Variants in BBX observed in about 807,000 individuals in gnomAD.
BBX encodes HMG box transcription factor BBX.
BBX carries 30 observed loss-of-function variants against 100.2 expected under a neutral mutation model. The ratio of observed to expected loss-of-function variants is 0.30; its 90% CI spans 0.22 to 0.41. The LOEUF is 0.41. Among genes scored for constraint, BBX ranks in the 10% least tolerant of loss-of-function variants. The probability of loss-of-function intolerance (pLI) is 1.00; values close to 1 mark genes in which losing one functional copy is unlikely to be tolerated. For missense variants in BBX, 1,023 were observed against 1,129.8 expected (o/e 0.91, Z 1.35); for synonymous variants, 376 against 388.1 (o/e 0.97, Z 0.37).
At chr3:107,536,903 A>G (rs1049674357) in intron 2 of BBX, among the ~76,000 whole-genome samples, 64 of 152,324 alleles carry the variant, frequency 4.2e-4, no homozygotes, top group African/African-American at 1.4e-3. Flanking sequence ...TTTAATAGAT[A>G]TGGTATGAAA....
At chr3:107,701,332 G>C (rs558371893) in intron 3 of BBX, among the ~76,000 whole-genome samples, 1 of 152,286 alleles carries the variant, frequency 6.6e-6, no homozygotes, top group East Asian at 1.9e-4. Context: ...TGTGCTGGCA[G>C]AGTGGCCTTG....
chr3:107,805,283 A>C, intron 17 of BBX, 87 bp from the exon 18 acceptor site: 2 of 1,373,090 alleles, frequency 1.5e-6, no homozygotes, highest in Non-Finnish European at 2.0e-6. Context: ...TAAACAAGAT[A>C]TTGGAACACA....
At position 107,773,541 on chromosome 3, in the gene BBX, G is replaced by A; in HGVS notation, c.1820G>A (p.Gly607Asp). The A allele has an allele frequency of 6.2e-7, 1 of 1,614,072 alleles. No individual in the cohort carries two copies. The highest frequency in any genetic ancestry group is 8.5e-7 in the Non-Finnish European group (1 of 1,179,962). The change falls in exon 11 of 18, where the codon GGT becomes GAT. Residue 607 changes from glycine to aspartate, a missense_variant. Around this residue, in one of 9 missense-constraint regions of BBX, gnomAD observed 348 missense variants for 353.2 expected, o/e 0.99. Coordinates refer to ENST00000325805, the MANE Select transcript of BBX (RefSeq NM_001142568.3). This position sits in a 1 kb window ranked among gnomAD's most constrained non-coding sequence, Gnocchi z 4.1. ...SDCHRKIETC[G>D]SRKSERSCKG... ...TGTCACAGAAAAATAGAAACTTGTGGTTCCAGGAAATCCGAGAGGTCTTGC... is the reference window on the plus strand; with the variant it reads ...TGTCACAGAAAAATAGAAACTTGTGATTCCAGGAAATCCGAGAGGTCTTGC...
intron 2 of BBX, among the ~76,000 whole-genome samples, chr3:107,536,040 G>A (rs533356691): frequency 1.8e-4 from 28 of 152,224 alleles, no homozygotes; most frequent in Non-Finnish European, 3.5e-4. Context: ...AAATTAATAA[G>A]CGGATTCATG....
intron 12 of BBX, 50 bp downstream of exon 12, chr3:107,774,907 G>A (rs747690415): frequency 6.3e-7 from 1 of 1,583,390 alleles, no homozygotes; most frequent in Non-Finnish European, 8.6e-7. Flanking sequence ...CTCAAGTGTG[G>A]GTGGGATTTT....
At chr3:107,691,791 G>C (rs1024257108) in intron 3 of BBX, among the ~76,000 whole-genome samples, 11 of 152,212 alleles carry the variant, frequency 7.2e-5, no homozygotes, top group Non-Finnish European at 1.5e-4. Flanking sequence ...TATGTAATTT[G>C]TAATTTAGTA....
chr3:107,754,294 G>C (rs1247255030), intron 9 of BBX, among the ~76,000 whole-genome samples: 2 of 152,140 alleles, frequency 1.3e-5, no homozygotes, highest in Non-Finnish European at 2.9e-5. Context: ...GTGAGTAATT[G>C]AATTCAGCAT....
At chr3:107,555,149 T>A (rs1394783201) in intron 2 of BBX, among the ~76,000 whole-genome samples, 1 of 152,240 alleles carries the variant, frequency 6.6e-6, no homozygotes, top group Non-Finnish European at 1.5e-5. Context: ...TATTTGTTTC[T>A]GCTAAACCAA....
chr3:107,594,678 T>C (rs1323775863), intron 2 of BBX, among the ~76,000 whole-genome samples: 2 of 152,184 alleles, frequency 1.3e-5, no homozygotes, highest in African/African-American at 4.8e-5. Flanking sequence ...ATGAAAATAA[T>C]AGTATTTACC....
intron 3 of BBX, among the ~76,000 whole-genome samples, chr3:107,649,134 C>T (rs566920239): frequency 6.6e-6 from 1 of 152,358 alleles, no homozygotes; most frequent in African/African-American, 2.4e-5. Context: ...ATAAAACCAT[C>T]TGATCTCTTG....
At chr3:107,569,665 A>G (rs1265840379) in intron 2 of BBX, among the ~76,000 whole-genome samples, 1 of 152,212 alleles carries the variant, frequency 6.6e-6, no homozygotes, top group Non-Finnish European at 1.5e-5. Flanking sequence ...GTATAAAAGA[A>G]TGTTGTCCAA....
chr3:107,580,632 AT>A (rs928271860), intron 2 of BBX, among the ~76,000 whole-genome samples: 20 of 148,958 alleles, frequency 1.3e-4, no homozygotes, highest in Middle Eastern at 3.5e-3. Context: ...TAAGCACTCA[AT>A]TTTTTTTTTT....
chr3:107,786,978 T>G (rs2068495438), intron 13 of BBX, among the ~76,000 whole-genome samples: 3 of 152,218 alleles, frequency 2.0e-5, no homozygotes, highest in Non-Finnish European at 4.4e-5. Flanking sequence ...GCAAGTGATC[T>G]GAATAGATAC....
At chr3:107,779,120 C>G (rs776777393) in intron 13 of BBX, among the ~76,000 whole-genome samples, 17 of 150,176 alleles carry the variant, frequency 1.1e-4, no homozygotes, top group Non-Finnish European at 1.6e-4. Flanking sequence ...CTGCCTATAT[C>G]AGGGAAGCTT....
intron 2 of BBX, among the ~76,000 whole-genome samples, chr3:107,536,670 A>G (rs140516375): frequency 1.3e-3 from 202 of 152,272 alleles, no homozygotes; most frequent in African/African-American, 4.6e-3. Context: ...TCCAAATTAA[A>G]TAATTAGGTC....
At chr3:107,736,871 G>A (rs1576569462) in intron 7 of BBX, among the ~76,000 whole-genome samples, 5 of 152,188 alleles carry the variant, frequency 3.3e-5, no homozygotes, top group Admixed American at 2.6e-4. Context: ...ATATAAGTTA[G>A]TCAGATTAAT....
At chr3:107,746,116 C>T (rs929896955) in intron 8 of BBX, among the ~76,000 whole-genome samples, 2 of 152,126 alleles carry the variant, frequency 1.3e-5, no homozygotes, top group East Asian at 3.9e-4. Context: ...AACACTGGTT[C>T]TATTTTGTTC....
chr3:107,773,994 C>T lies in BBX; in HGVS notation c.1915+358C>T, dbSNP rs1045418665. ...CTGGTGGAATTTCGAGAATCAAGCA[C>T]GTATGTTTGTCAGAATCTTCACCTG... On this transcript the variant is annotated intron_variant, in intron 11 of 17. Coordinates refer to ENST00000325805, the MANE Select transcript of BBX (RefSeq NM_001142568.3). This position sits in a 1 kb window ranked among gnomAD's most constrained non-coding sequence, Gnocchi z 4.1. Among the ~76,000 whole-genome samples the T allele has an allele frequency of 3.9e-5, 6 of 152,204 alleles. No homozygotes were observed. In the South Asian group the frequency reaches 6.2e-4, roughly 16 times the overall value.
chr3:107,754,405 G>A (rs973327947), intron 9 of BBX, among the ~76,000 whole-genome samples: 1 of 152,138 alleles, frequency 6.6e-6, no homozygotes, highest in Non-Finnish European at 1.5e-5. Flanking sequence ...ATCTTCTAAA[G>A]GAAAAGTAAA....
Sources: gnomAD v4.1 joint callset for allele counts (sites outside exome capture counted in the v4.1 genomes callset) on GRCh38, gnomAD v4.1.1 for gene constraint, gnomAD v4.1.1 regional missense constraint, Gnocchi (gnomAD v3.1) non-coding constraint, MANE v1.5 for transcripts, NCBI Gene and HGNC (gene_info 2026-07-23, HGNC 2026-07-21) for gene names.